Variants in HOMER1 observed in about 807,000 individuals in gnomAD.
HOMER1 encodes the protein homer scaffold protein 1.
Under a neutral mutation model 48.9 loss-of-function variants are expected in HOMER1, and 3 were observed. That is an observed-to-expected ratio of 0.06 (90% CI 0.03 to 0.16). HOMER1 has a LOEUF of 0.16. HOMER1 is among the 10% of genes least tolerant of loss of function. HOMER1 has a pLI of 1.00. For synonymous variants in HOMER1, 134 were observed against 146.4 expected (o/e 0.92, Z 0.61); for missense variants, 247 against 411.4 (o/e 0.60, Z 3.46).
At chr5:79,493,217 T>A (rs1752336109) in intron 1 of HOMER1, among the ~76,000 whole-genome samples, 1 of 152,130 alleles carries the variant, frequency 6.6e-6, no homozygotes, top group Non-Finnish European at 1.5e-5. Context: ...CGCACCTGGC[T>A]TGAAAATGAA....
intron 1 of HOMER1, among the ~76,000 whole-genome samples, chr5:79,481,363 G>A (rs1252522608): frequency 6.6e-6 from 1 of 152,144 alleles, no homozygotes; most frequent in Non-Finnish European, 1.5e-5. Flanking sequence ...GCATGGCACC[G>A]TGATCTCTGA....
intron 5 of HOMER1, among the ~76,000 whole-genome samples, chr5:79,435,354 CTT>C (rs1213903234): frequency 6.6e-6 from 1 of 152,176 alleles, no homozygotes; most frequent in South Asian, 2.1e-4. Flanking sequence ...ACAGTCAACT[CTT>C]AACTAATCTG....
intron 1 of HOMER1, 24 bp downstream of exon 1, chr5:79,512,746 T>G (rs1434720266): frequency 6.2e-7 from 1 of 1,611,812 alleles, no homozygotes; most frequent in Admixed American, 1.7e-5. Context: ...GATTCGAAGC[T>G]GTGTTAAGCA....
chr5:79,478,079 C>T (rs1751834788), intron 1 of HOMER1, among the ~76,000 whole-genome samples: 1 of 152,100 alleles, frequency 6.6e-6, no homozygotes, highest in Admixed American at 6.5e-5. Flanking sequence ...TTAACAAGAC[C>T]ATTTTCATAC....
chr5:79,459,429 A>T (rs1751256664), intron 1 of HOMER1, among the ~76,000 whole-genome samples: 1 of 152,198 alleles, frequency 6.6e-6, no homozygotes, highest in African/African-American at 2.4e-5. Flanking sequence ...ATATCAACTA[A>T]ATACATAGCT....
intron 8 of HOMER1, among the ~76,000 whole-genome samples, chr5:79,380,284 G>C (rs1580410992): frequency 6.6e-6 from 1 of 152,188 alleles, no homozygotes; most frequent in African/African-American, 2.4e-5. Context: ...GAGAGCACTA[G>C]CGCTGGGTGC....
Position 79,375,686 on chromosome 5 carries a change from G to C in HOMER1, c.*323C>G, listed in dbSNP as rs1487166163. The C allele has an allele frequency of 5.3e-6, 1 of 189,690 alleles. No individual in the cohort carries two copies. The highest frequency in any genetic ancestry group is 2.3e-5 in the African/African-American group (1 of 43,046). The allele number at this position is 189,690 out of a possible 1,614,324, so 11.8% of individuals were successfully genotyped here. A position where few individuals can be genotyped will look rare whatever the true frequency, so the allele number is the denominator to read the frequency against. ...AAAAAGGGGATGTGACCTAGACATT[G>C]TTAATTCTCCCATTGGCTAATATCA... On this transcript the variant is annotated 3_prime_UTR_variant, in exon 9 of 9. Coordinates refer to ENST00000334082, the MANE Select transcript of HOMER1 (RefSeq NM_004272.5).
rs1433277861 is a variant in HOMER1 at position 79,375,946 on chromosome 5, A to G, written c.*63T>C. 5.1e-6 allele frequency: 5 copies of G among 972,466 alleles called. No individual in the cohort carries two copies. The highest frequency in any genetic ancestry group is 2.7e-5 in the East Asian group (1 of 37,694). The allele number at this position is 972,466 out of a possible 1,614,324, so 60.2% of individuals were successfully genotyped here. A position where few individuals can be genotyped will look rare whatever the true frequency, so the allele number is the denominator to read the frequency against. On this transcript the variant is annotated 3_prime_UTR_variant, in exon 9 of 9. Coordinates refer to ENST00000334082, the MANE Select transcript of HOMER1 (RefSeq NM_004272.5). The stretch of plus-strand genomic sequence containing the variant: ...TTTGTGCAATCTTGATGCAGAGCCT[A>G]AACAGTCCTATGAAGAGAGACAGTG...
At chr5:79,376,292 C>A in intron 8 of HOMER1, 95 bp from the exon 9 acceptor site, 1 of 872,622 alleles carries the variant, frequency 1.1e-6, no homozygotes, top group Non-Finnish European at 1.7e-6. Flanking sequence ...GTAATCAATG[C>A]AGTTTGACTG....
rs750215552 is a variant in HOMER1 at position 79,431,317 on chromosome 5, A to AAAAC, written c.527+7689_527+7692dup. Among the ~76,000 whole-genome samples, 5 of 151,950 alleles carry AAAAC rather than the reference A, an allele frequency of 3.3e-5. No individual in the cohort carries two copies. The East Asian group carries it at 5.9e-4, about 18-fold the overall frequency. On this transcript the variant is annotated intron_variant, in intron 5 of 8. Transcript: ENST00000334082. ...CAGCCTGGGTGACAGAGCAAGACTCAAAACAAACAAACAAACAACACATGC... is the reference window on the plus strand; with the variant it reads ...CAGCCTGGGTGACAGAGCAAGACTCAAAACAAACAAACAAACAAACAACACATGC...
rs905281812 is a variant in HOMER1, at chr5:79,436,088, T to C, written c.527+2922A>G. The stretch of plus-strand genomic sequence containing the variant: ...TTGCAGTGAGCCGAGATTGCGCCAC[T>C]GCAGTCCGCAGTCCGGCCTGGGCGA... On this transcript the variant is annotated intron_variant, in intron 5 of 8. Transcript: ENST00000334082. Among the ~76,000 whole-genome samples the C allele has an allele frequency of 2.5e-3, 378 of 151,014 alleles. 3 individuals are homozygous for C. Among genetic ancestry groups the C allele is most frequent in the African/African-American group, 8.6e-3 (356 of 41,186 alleles).
intron 5 of HOMER1, among the ~76,000 whole-genome samples, chr5:79,421,699 G>C (rs1362926410): frequency 2.6e-5 from 4 of 151,642 alleles, no homozygotes; most frequent in Non-Finnish European, 5.9e-5. Context: ...TCCATCTCCG[G>C]GTTCAAGTGA....
In HOMER1 at chr5:79,506,081, G is replaced by A. The variant is rs116021400; in HGVS notation, c.5+6689C>T. On this transcript the variant is annotated intron_variant, in intron 1 of 8. Coordinates refer to ENST00000334082, the MANE Select transcript of HOMER1 (RefSeq NM_004272.5). ...TTAATTCTAAATTGTACTTACCAGA[G>A]AAGTGAACAAATTTTTAAAAACTTT... Among the ~76,000 whole-genome samples, 491 of 151,844 alleles carry A rather than the reference G, an allele frequency of 3.2e-3. 2 individuals are homozygous for A. Among genetic ancestry groups the A allele is most frequent in the African/African-American group, 0.011 (469 of 41,386 alleles).
chr5:79,471,551 G>GAAAAAAAAAAAAAAAAAAAAAAAAAA (rs55724615), intron 1 of HOMER1, among the ~76,000 whole-genome samples: 1 of 97,680 alleles, frequency 1.0e-5, no homozygotes, highest in Admixed American at 1.1e-4. Context: ...CCATCTCAAA[G>GAAAAAAAAAAAAAAAAAAAAAAAAAA]AAAAAAAAAA....
chr5:79,378,330 T>C (rs1046807196), intron 8 of HOMER1, among the ~76,000 whole-genome samples: 5 of 151,242 alleles, frequency 3.3e-5, no homozygotes, highest in East Asian at 1.9e-4. Context: ...TACAGATGAG[T>C]TGCAAGAGCC....
At chr5:79,461,043 T>C (rs549981423) in intron 1 of HOMER1, among the ~76,000 whole-genome samples, 1 of 152,140 alleles carries the variant, frequency 6.6e-6, no homozygotes. Flanking sequence ...GGCCAGGAAC[T>C]TAAAAACACT....
chr5:79,399,421 T>G (rs1177149289), intron 6 of HOMER1, among the ~76,000 whole-genome samples: 1 of 152,210 alleles, frequency 6.6e-6, no homozygotes, highest in African/African-American at 2.4e-5. Flanking sequence ...GCGATGGTGC[T>G]CAACAGAGAT....
intron 5 of HOMER1, among the ~76,000 whole-genome samples, chr5:79,402,342 A>AT (rs1457226084): frequency 1.3e-5 from 2 of 151,396 alleles, no homozygotes; most frequent in East Asian, 1.9e-4. Context: ...ATTTTTTTGT[A>AT]TTTTTTTAGT....
intron 5 of HOMER1, among the ~76,000 whole-genome samples, chr5:79,428,912 G>T (rs1372782742): frequency 6.6e-6 from 1 of 152,022 alleles, no homozygotes; most frequent in Non-Finnish European, 1.5e-5. Context: ...AATCCCAACT[G>T]GTTTCATTGA....
Sources: allele counts gnomAD v4.1 joint callset (sites outside exome capture counted in the v4.1 genomes callset), GRCh38; gene constraint gnomAD v4.1.1; transcripts MANE v1.5; gene names NCBI Gene and HGNC (gene_info 2026-07-23, HGNC 2026-07-21).